The following HDAC4 variants were observed in gnomAD, a reference collection of about 807,000 sequenced individuals.
The protein encoded by HDAC4 is histone deacetylase A.
Under a neutral mutation model 135.1 loss-of-function variants are expected in HDAC4, and 16 were observed. That is an observed-to-expected ratio of 0.12 (90% CI 0.08 to 0.18). HDAC4 has a LOEUF of 0.18. Ranked by LOEUF, HDAC4 falls within the 10% of genes least tolerant of loss-of-function variation. HDAC4 has a pLI of 1.00. For synonymous variants in HDAC4, 685 were observed against 653.4 expected (o/e 1.05, Z -0.74); for missense variants, 1,143 against 1,511.8 (o/e 0.76, Z 4.05).
chr2:239,394,381 T>A (rs1315990001), intron 1 of HDAC4, among the ~76,000 whole-genome samples: 1 of 152,220 alleles, frequency 6.6e-6, no homozygotes, highest in Non-Finnish European at 1.5e-5. Flanking sequence ...ATAATGTCAT[T>A]AATTCTAATT....
At chr2:239,291,722 G>A (rs2051509085) in intron 2 of HDAC4, among the ~76,000 whole-genome samples, 1 of 152,146 alleles carries the variant, frequency 6.6e-6, no homozygotes, top group Admixed American at 6.5e-5. Context: ...TCGGGGGAAG[G>A]GCAATATCTA....
chr2:239,176,616 C>G (rs916559392), intron 4 of HDAC4, 53 bp from the exon 5 acceptor site: 7 of 1,551,876 alleles, frequency 4.5e-6, no homozygotes, highest in Non-Finnish European at 6.2e-6. Flanking sequence ...CACACACACA[C>G]AGAGACCCAA....
chr2:239,270,261 C>T (rs1019029952), intron 2 of HDAC4, among the ~76,000 whole-genome samples: 1 of 152,168 alleles, frequency 6.6e-6, no homozygotes, highest in Non-Finnish European at 1.5e-5. Context: ...ATGACGGAAA[C>T]AGAAAAGCGC....
chr2:239,082,865 C>T (rs985664064), intron 20 of HDAC4, among the ~76,000 whole-genome samples: 11 of 152,244 alleles, frequency 7.2e-5, no homozygotes, highest in African/African-American at 1.9e-4. Context: ...TGTTCTGCCC[C>T]GGGCCACAGG....
At chr2:239,112,799 G>C (rs545248757) in intron 13 of HDAC4, among the ~76,000 whole-genome samples, 1 of 152,322 alleles carries the variant, frequency 6.6e-6, no homozygotes, top group East Asian at 1.9e-4. Context: ...TCTTAGTTTT[G>C]ATGAACAAAT....
chr2:239,082,668 G>A (rs1297603062), intron 20 of HDAC4, among the ~76,000 whole-genome samples: 1 of 152,238 alleles, frequency 6.6e-6, no homozygotes, highest in Non-Finnish European at 1.5e-5. Flanking sequence ...CACGTGGGAG[G>A]TGCCAATTCC....
rs13389265 is a variant in HDAC4, at chr2:239,299,787, C to T, written c.22+52891G>A. Among the ~76,000 whole-genome samples, 26,111 of 152,098 alleles carry T rather than the reference C, an allele frequency of 0.17. 3,199 individuals are homozygous for T. Among genetic ancestry groups the T allele is most frequent in the East Asian group, 0.51 (2,610 of 5,140 alleles). ...GGCCCAGGGACTGGCACAGCTGTTC[C>T]GCTCTGCTCCCGGCATGTCACAGGG... On this transcript the variant is annotated intron_variant, in intron 2 of 26. Coordinates refer to ENST00000543185, the MANE Select transcript of HDAC4 (RefSeq NM_001378414.1). The surrounding 1 kb of genome is among the most constrained non-coding windows in gnomAD (Gnocchi z 4.0).
chr2:239,246,830 C>T (rs2048491715), intron 2 of HDAC4, among the ~76,000 whole-genome samples: 1 of 152,250 alleles, frequency 6.6e-6, no homozygotes, highest in Non-Finnish European at 1.5e-5. Flanking sequence ...TTGAAAACAG[C>T]ACCATCTCTG....
intron 14 of HDAC4, among the ~76,000 whole-genome samples, 182 bp from the exon 15 acceptor site, chr2:239,108,365 C>A (rs181214046): frequency 2.6e-5 from 4 of 152,174 alleles, no homozygotes; most frequent in Admixed American, 2.6e-4. Flanking sequence ...GCCCAGAGAA[C>A]GTGGACGAAT....
At chr2:239,278,003 CCCAGCCACACACCCTAGCAACACACT>C (rs985541534) in intron 2 of HDAC4, among the ~76,000 whole-genome samples, 2 of 151,938 alleles carry the variant, frequency 1.3e-5, no homozygotes, top group Non-Finnish European at 2.9e-5. Context: ...AGCCACACAC[CCCAGCCACACACCCTAGCAACACACT>C]CCAGCCACAC....
intron 2 of HDAC4, among the ~76,000 whole-genome samples, chr2:239,315,661 G>A (rs1559359167): frequency 6.6e-6 from 1 of 152,102 alleles, no homozygotes; most frequent in Non-Finnish European, 1.5e-5. Flanking sequence ...GGACAAACAG[G>A]GATGTTTTAA....
intron 6 of HDAC4, among the ~76,000 whole-genome samples, chr2:239,162,851 T>TG (rs953716148): frequency 1.3e-4 from 20 of 151,906 alleles, no homozygotes; most frequent in African/African-American, 2.7e-4. Context: ...GTCTGAGCTG[T>TG]GGGGGGGTCT....
intron 1 of HDAC4, among the ~76,000 whole-genome samples, chr2:239,381,786 G>A (rs1362382244): frequency 6.6e-6 from 1 of 152,242 alleles, no homozygotes; most frequent in African/African-American, 2.4e-5. Context: ...CCAGTACCAC[G>A]CCCCCAGATG....
chr2:239,193,920 C>T (rs13419799), intron 3 of HDAC4, among the ~76,000 whole-genome samples: 4,953 of 152,286 alleles, frequency 0.033, 253 homozygotes, highest in African/African-American at 0.11. Flanking sequence ...GATGCAAATG[C>T]CACCGAAGCT....
chr2:239,197,847 T>TTGTGTGTGTGTG (rs368801140), intron 3 of HDAC4, among the ~76,000 whole-genome samples: 13,409 of 140,096 alleles, frequency 0.096, 837 homozygotes, highest in East Asian at 0.14. Context: ...CACTAAAAGT[T>TTGTGTGTGTGTG]TGTGTGTGTG....
At chr2:239,181,860 G>A (rs936771046) in intron 4 of HDAC4, among the ~76,000 whole-genome samples, 3 of 152,196 alleles carry the variant, frequency 2.0e-5, no homozygotes, top group Non-Finnish European at 2.9e-5. Context: ...GCCTCCGTGC[G>A]GCCTGATTGT....
At position 239,139,920 on chromosome 2, in the gene HDAC4, C is replaced by T; in HGVS notation, c.866-124G>A. On this transcript the variant is annotated intron_variant, in intron 8 of 26. Coordinates refer to ENST00000543185, the MANE Select transcript of HDAC4 (RefSeq NM_001378414.1). This position sits in a 1 kb window ranked among gnomAD's most constrained non-coding sequence, Gnocchi z 5.3. ...CGTTAGCTTGCGACAGGCAGAAGTC[C>T]CAACAAAAAGAACATGGCCATGGTT... The T allele has an allele frequency of 1.4e-6, 1 of 700,078 alleles. No homozygotes were observed. The highest frequency in any genetic ancestry group is 2.5e-6 in the Non-Finnish European group (1 of 400,580). The allele number at this position is 700,078 out of a possible 1,614,324, so 43.4% of individuals were successfully genotyped here. A position where few individuals can be genotyped will look rare whatever the true frequency, so the allele number is the denominator to read the frequency against.
intron 3 of HDAC4, among the ~76,000 whole-genome samples, chr2:239,226,079 G>A (rs987545425): frequency 1.3e-5 from 2 of 152,112 alleles, no homozygotes; most frequent in Non-Finnish European, 2.9e-5. Flanking sequence ...GGCGGCACAG[G>A]CTTCCAGATG....
chr2:239,189,777 CGGG>C, intron 4 of HDAC4, 53 bp downstream of exon 4: 2 of 1,532,196 alleles, frequency 1.3e-6, no homozygotes, highest in Admixed American at 3.5e-5. Context: ...CTGGAGTCAC[CGGG>C]AGTTGAGGGT....
Sources: allele counts gnomAD v4.1 joint callset (sites outside exome capture counted in the v4.1 genomes callset), GRCh38; gene constraint gnomAD v4.1.1; non-coding constraint Gnocchi (gnomAD v3.1); transcripts MANE v1.5; gene names NCBI Gene and HGNC (gene_info 2026-07-23, HGNC 2026-07-21).